The following SFI1 variants were observed in gnomAD, a reference collection of about 807,000 sequenced individuals.
The protein encoded by SFI1 is SFI1 centrin binding protein, also known as protein SFI1 homolog.
SFI1 carries 195 observed loss-of-function variants against 207.5 expected under a neutral mutation model. The ratio of observed to expected loss-of-function variants is 0.94; its 90% confidence interval spans 0.84 to 1.06. SFI1 has a LOEUF of 1.06. SFI1 is among the 50% of genes least tolerant of loss of function. The pLI is 0.00. For synonymous variants in SFI1, 630 were observed against 598.9 expected, an observed-to-expected ratio of 1.05 and a Z score of -0.76; for missense variants, 1,634 against 1,588.0, an observed-to-expected ratio of 1.03 and a Z score of -0.49.
rs375568336 is a variant in SFI1, at chr22:31,613,752, G to T, written c.2893G>T (p.Ala965Ser). Residue 965 changes from alanine to serine, a missense_variant, in exon 27 of 33, where the codon GCT becomes TCT. Physicochemically the swap from Ala to Ser is moderately conservative, Grantham distance 99 (BLOSUM62 1). Transcript: ENST00000400288. ...GGGTCCCCTTCTCAACCGCATTGCT[G>T]CTGGGGCTGGGGATGGCACCCTTGA... ...FEGPLLNRIA[A>S]GAGDGTLETK... The T allele has an allele frequency of 8.1e-6, 13 of 1,613,064 alleles. No homozygotes were observed. Among genetic ancestry groups the T allele is most frequent in the Non-Finnish European group, 1.1e-5 (13 of 1,179,860 alleles).
chr22:31,558,127 A>G (rs1278193537), intron 7 of SFI1, among the ~76,000 whole-genome samples: 2 of 152,204 alleles, frequency 1.3e-5, no homozygotes, highest in Non-Finnish European at 2.9e-5. Context: ...TCTGTGAAAT[A>G]GTTACACCAT....
chr22:31,571,328 T>A (rs972219763), intron 8 of SFI1, among the ~76,000 whole-genome samples: 8 of 152,166 alleles, frequency 5.3e-5, no homozygotes, highest in African/African-American at 1.9e-4. Context: ...GTTTGGTTTT[T>A]TTGAGACAGG....
At chr22:31,581,888 T>C (rs2387) in intron 12 of SFI1, among the ~76,000 whole-genome samples, 116,642 of 151,738 alleles carry the variant, frequency 0.77, 45,365 homozygotes, top group Non-Finnish European at 0.83. Flanking sequence ...ATAGACATCA[T>C]GACACTTTGC....
intron 1 of SFI1, among the ~76,000 whole-genome samples, chr22:31,501,931 T>A (rs900588022): frequency 6.6e-6 from 1 of 152,186 alleles, no homozygotes; most frequent in Non-Finnish European, 1.5e-5. Context: ...TTCATTGACA[T>A]GTCTAAATGA....
chr22:31,562,836 T>A (rs1172479757), intron 8 of SFI1, among the ~76,000 whole-genome samples: 1 of 151,638 alleles, frequency 6.6e-6, no homozygotes, highest in Non-Finnish European at 1.5e-5. Context: ...GGTTTCACCA[T>A]GTTAGCCAGG....
At chr22:31,604,619 C>G in intron 19 of SFI1, 1 of 591,938 alleles carries the variant, frequency 1.7e-6, no homozygotes, top group Non-Finnish European at 3.0e-6. Context: ...TGGGTACTAG[C>G]CTTGTAGCGA....
chr22:31,610,467 C>T (rs1440684148), intron 22 of SFI1, among the ~76,000 whole-genome samples: 2 of 152,242 alleles, frequency 1.3e-5, no homozygotes, highest in African/African-American at 2.4e-5. Flanking sequence ...CTGCCTGCCT[C>T]AGTGGGCCTG....
In SFI1 at chr22:31,550,344, T is replaced by A; in HGVS notation, c.540T>A (p.Val180=). The A allele has an allele frequency of 6.2e-7, 1 of 1,613,804 alleles. No individual in the cohort carries two copies. The highest frequency in any genetic ancestry group is 8.5e-7 in the Non-Finnish European group (1 of 1,179,778). Residue 180 remains valine (V), a synonymous_variant, in exon 6 of 33, where the codon GTT becomes GTA. Transcript: ENST00000400288. ...EMRNKYIRAE[V]HDAKQKMRQA... is the part of the protein sequence containing the mutation. Reference sequence around the variant, plus strand: ...GGAACAAGTACATTAGAGCCGAGGTTCATGGTGAGAAAAAGAAGTCCATGT... The same window carrying A: ...GGAACAAGTACATTAGAGCCGAGGTACATGGTGAGAAAAAGAAGTCCATGT...
Position 31,604,407 on chromosome 22 carries a change from A to G in SFI1, c.1977+3A>G, listed in dbSNP as rs761841286. The G allele has an allele frequency of 2.6e-6, 4 of 1,522,424 alleles. No individual in the cohort carries two copies. Among genetic ancestry groups the G allele is most frequent in the Non-Finnish European group, 2.6e-6 (3 of 1,137,552 alleles). 94.3% of individuals were successfully genotyped at this position (1,522,424 alleles called of 1,614,324 possible). ...ACAGGGCGCTGCAGGCATGGGTGGT[A>G]GGAACTGCTGCTTCCCTCCTGATCT... On this transcript the variant is annotated splice_donor_region_variant and intron_variant, in intron 19 of 32. Coordinates refer to ENST00000400288, the MANE Select transcript of SFI1 (RefSeq NM_001007467.3).
At chr22:31,572,848 G>A in intron 8 of SFI1, 1 of 431,670 alleles carries the variant, frequency 2.3e-6, no homozygotes, top group Middle Eastern at 6.5e-4. Flanking sequence ...TTTAATCCAG[G>A]AAAAAATTAC....
In SFI1 at chr22:31,594,862, A is replaced by AC. The variant is rs1242791924; in HGVS notation, c.1544+5285_1544+5286insC. Reference sequence around the variant, plus strand: ...AGAGTGAGACTCTGTCTCAAAAAAAAAAAAAAAAAAAAAAATTAGAAAGCT... The same window carrying AC: ...AGAGTGAGACTCTGTCTCAAAAAAAACAAAAAAAAAAAAAAATTAGAAAGCT... On this transcript the variant is annotated intron_variant, in intron 15 of 32. Transcript: ENST00000400288. Among the ~76,000 whole-genome samples the AC allele has an allele frequency of 5.3e-5, 8 of 150,908 alleles. No homozygotes were observed. The East Asian group carries it at 1.5e-3, about 29-fold the overall frequency.
Position 31,602,743 on chromosome 22 carries a change from C to A in SFI1, c.1763C>A (p.Ala588Asp), listed in dbSNP as rs2068317145. Residue 588 changes from alanine to aspartate, a missense_variant, in exon 17 of 33, where the codon GCT (alanine) becomes GAT (aspartate). Ala to Asp is a moderately radical substitution (Grantham distance 126, BLOSUM62 -2). Coordinates refer to ENST00000400288, the MANE Select transcript of SFI1 (RefSeq NM_001007467.3). ...AHHRHGRLKK[A>D]FCLWRESAQG... Reference sequence around the variant, plus strand: ...CACCGCCACGGGCGGCTCAAGAAAGCTTTCTGCCTCTGGAGGGAAAGTGCC... The same window carrying A: ...CACCGCCACGGGCGGCTCAAGAAAGATTTCTGCCTCTGGAGGGAAAGTGCC... 2 of 1,614,078 alleles carry A rather than the reference C, an allele frequency of 1.2e-6. No homozygotes were observed. Among genetic ancestry groups the A allele is most frequent in the Non-Finnish European group, 1.7e-6 (2 of 1,180,034 alleles).
intron 9 of SFI1, among the ~76,000 whole-genome samples, chr22:31,573,436 A>G (rs2063152261): frequency 6.7e-6 from 1 of 149,684 alleles, no homozygotes; most frequent in Admixed American, 6.8e-5. Flanking sequence ...ATCTGTAGAT[A>G]GATTTTTTTT....
intron 12 of SFI1, 127 bp downstream of exon 12, chr22:31,580,491 G>T: frequency 6.8e-6 from 4 of 585,322 alleles, no homozygotes; most frequent in Non-Finnish European, 1.2e-5. Flanking sequence ...GATTTGTCCA[G>T]ACTGTCAACT....
intron 1 of SFI1, among the ~76,000 whole-genome samples, chr22:31,497,855 T>G (rs1428330842): frequency 6.6e-6 from 1 of 152,222 alleles, no homozygotes; most frequent in Non-Finnish European, 1.5e-5. Flanking sequence ...ATATTACTGG[T>G]CATTAACAAG....
intron 2 of SFI1, among the ~76,000 whole-genome samples, chr22:31,528,046 G>A (rs1375154532): frequency 1.3e-5 from 2 of 152,016 alleles, no homozygotes; most frequent in Non-Finnish European, 2.9e-5. Flanking sequence ...CCCGGGAGGC[G>A]GAGGTTAAAC....
At chr22:31,602,486 C>T in intron 16 of SFI1, 121 bp from the exon 17 acceptor site, 1 of 1,277,248 alleles carries the variant, frequency 7.8e-7, no homozygotes, top group South Asian at 1.3e-5. Context: ...TGGGCTGGAC[C>T]ACGTCCTGAC....
intron 4 of SFI1, among the ~76,000 whole-genome samples, chr22:31,533,946 A>C (rs2058747966): frequency 6.6e-6 from 1 of 152,110 alleles, no homozygotes; most frequent in African/African-American, 2.4e-5. Context: ...ACAAATGTGA[A>C]TGTGTATTTT....
rs2059973386 is a variant in SFI1, at chr22:31,545,386, A to T, written c.339-1475A>T. On this transcript the variant is annotated intron_variant, in intron 4 of 32. Coordinates refer to ENST00000400288, the MANE Select transcript of SFI1 (RefSeq NM_001007467.3). ...GTCTCAAAAAAAAAAGAAAAAAAAA[A>T]TTTGTAGAGCTGGGTACAGTGGCTC... Among the ~76,000 whole-genome samples, 3 of 151,028 alleles carry T rather than the reference A, an allele frequency of 2.0e-5. No individual in the cohort carries two copies. In the South Asian group the frequency reaches 6.3e-4, roughly 31 times the overall value.
Sources: allele counts gnomAD v4.1 joint callset (sites outside exome capture counted in the v4.1 genomes callset), GRCh38; gene constraint gnomAD v4.1.1; transcripts MANE v1.5; gene names NCBI Gene and HGNC (gene_info 2026-07-23, HGNC 2026-07-21).